APOBEC3H: variants seen among roughly 807,000 people sequenced by gnomAD.
APOBEC3H encodes the protein apolipoprotein B mRNA editing enzyme catalytic subunit 3H, also known as DNA dC->dU-editing enzyme APOBEC-3H.
In APOBEC3H, 8 loss-of-function variants were observed where a neutral mutation model predicts 21.2. That is an observed-to-expected ratio of 0.38 (90% CI 0.22 to 0.68). APOBEC3H has a LOEUF of 0.68. Among genes scored for constraint, APOBEC3H ranks in the 30% least tolerant of loss-of-function variants. The pLI is 0.52. For synonymous variants in APOBEC3H, 88 were observed against 91.0 expected, an observed-to-expected ratio of 0.97 and a Z score of 0.19; for missense variants, 229 against 228.1, an observed-to-expected ratio of 1.00 and a Z score of -0.03.
intron 1 of APOBEC3H, among the ~76,000 whole-genome samples, chr22:39,097,814 C>G (rs1909048127): frequency 6.6e-6 from 1 of 152,156 alleles, no homozygotes; most frequent in South Asian, 2.1e-4. Context: ...AAGCACAAGG[C>G]AAATCATCTC....
Position 39,101,281 on chromosome 22 carries a change from C to T in APOBEC3H, c.195C>T (p.Ser65=). ...AEICFINEIK[S]MGLDETQCYQ... ...TTTGCTTTATTAACGAGATCAAGTC[C>T]ATGGGACTGGACGAAACGCAGTGCT... Residue 65 remains serine, a synonymous_variant, in exon 3 of 5, where the codon TCC becomes TCT. Coordinates refer to ENST00000442487, the MANE Select transcript of APOBEC3H (RefSeq NM_181773.5). 6.2e-7 allele frequency: 1 copy of T among 1,613,714 alleles called. No individual in the cohort carries two copies. The highest frequency in any genetic ancestry group is 1.3e-5 in the African/African-American group (1 of 74,904).
rs530087638 is a variant in APOBEC3H, at chr22:39,098,269, G to A, written c.-8+926G>A. On this transcript the variant is annotated intron_variant, in intron 1 of 4. Transcript: ENST00000442487. ...TTTCGTTTTGTTTTTTTGAGAAGGG[G>A]TGTCTCAGTCTGTTGCCCAGGCTGG... Among the ~76,000 whole-genome samples, 3 of 152,296 alleles carry A rather than the reference G, an allele frequency of 2.0e-5. No individual in the cohort carries two copies. The South Asian group carries it at 6.2e-4, about 32-fold the overall frequency.
rs578208861 is a variant in APOBEC3H, at chr22:39,101,952, C to T, written c.453C>T (p.His151=). 103 of 1,613,672 alleles carry T rather than the reference C, an allele frequency of 6.4e-5. No individual in the cohort carries two copies. The East Asian group carries it at 1.6e-3, about 25-fold the overall frequency. ...FADCWENFVD[H]EKPLSFNPYK... is the part of the protein sequence containing the mutation. ...ACTGCTGGGAAAACTTTGTGGACCACGAGAAACCGCTTTCCTTCAACCCCT... is the reference window on the plus strand; with the variant it reads ...ACTGCTGGGAAAACTTTGTGGACCATGAGAAACCGCTTTCCTTCAACCCCT... The change falls in exon 4 of 5, where the codon CAC becomes CAT. Residue 151 remains histidine, a synonymous_variant. Coordinates refer to ENST00000442487, the MANE Select transcript of APOBEC3H (RefSeq NM_181773.5).
chr22:39,101,101 C>A (rs1221819035), intron 2 of APOBEC3H, 136 bp from the exon 3 acceptor site: 12 of 820,680 alleles, frequency 1.5e-5, no homozygotes, highest in Middle Eastern at 3.7e-4. Context: ...CTAGGCCAGG[C>A]CACGCACTAG....
chr22:39,100,602 C>A, intron 2 of APOBEC3H, 174 bp downstream of exon 2: 2 of 854,128 alleles, frequency 2.3e-6, no homozygotes, highest in Non-Finnish European at 3.5e-6. Flanking sequence ...TCTGAGTGGC[C>A]CAGTTTCCCT....
In APOBEC3H at chr22:39,101,263, T is replaced by C. The variant is rs141418864; in HGVS notation, c.177T>C (p.Phe59=). ...NKKKCHAEIC[F]INEIKSMGLD... ...AAAAGTGCCATGCAGAAATTTGCTT[T>C]ATTAACGAGATCAAGTCCATGGGAC... The change falls in exon 3 of 5, where the codon TTT becomes TTC. Residue 59 remains phenylalanine, a synonymous_variant. Transcript: ENST00000442487. 4.9e-4 allele frequency: 791 copies of C among 1,613,384 alleles called. 1 individual carries two copies. Among genetic ancestry groups the C allele is most frequent in the Non-Finnish European group, 5.9e-4 (700 of 1,179,848 alleles).
chr22:39,101,696 A>G (rs3765441), intron 3 of APOBEC3H, among the ~76,000 whole-genome samples, 192 bp downstream of exon 3: 2,970 of 8,226 alleles, frequency 0.36, 493 homozygotes, highest in Middle Eastern at 0.62. Context: ...GGAGGTTGGC[A>G]GGGGGTGGGG....
chr22:39,101,788 C>G, intron 3 of APOBEC3H, 130 bp from the exon 4 acceptor site: 1 of 1,438,102 alleles, frequency 7.0e-7, no homozygotes, highest in Non-Finnish European at 9.6e-7. Context: ...TGACACCACC[C>G]GGGAGGGAGA....
Position 39,100,437 on chromosome 22 carries a change from C to A in APOBEC3H, c.150+9C>A, listed in dbSNP as rs545736738. On this transcript the variant is annotated intron_variant, in intron 2 of 4. Coordinates refer to ENST00000442487, the MANE Select transcript of APOBEC3H (RefSeq NM_181773.5). ...GCTACTTTGAAAACAAGGTGCCACACGGGCTCTCTGGGCACAGGGCCGGCA... is the reference window on the plus strand; with the variant it reads ...GCTACTTTGAAAACAAGGTGCCACAAGGGCTCTCTGGGCACAGGGCCGGCA... 6.2e-7 allele frequency: 1 copy of A among 1,612,152 alleles called. No homozygotes were observed. Among genetic ancestry groups the A allele is most frequent in the African/African-American group, 1.3e-5 (1 of 75,022 alleles).
rs923875362 is a variant in APOBEC3H at position 39,102,487 on chromosome 22, C to T, written c.543+445C>T. 1.7e-5 allele frequency: 12 copies of T among 718,062 alleles called. No homozygotes were observed. The African/African-American group carries it at 1.9e-4, about 12-fold the overall frequency. The allele number at this position is 718,062 out of a possible 1,614,324, so 44.5% of individuals were successfully genotyped here. A position where few individuals can be genotyped will look rare whatever the true frequency, so the allele number is the denominator to read the frequency against. On this transcript the variant is annotated intron_variant, in intron 4 of 4. Transcript: ENST00000442487. Reference sequence around the variant, plus strand: ...TCTTTTTTGTGTTCTCCTCTCGCACCAGGGGCTCCTTCTTGTTCTTTTAGA... The same window carrying T: ...TCTTTTTTGTGTTCTCCTCTCGCACTAGGGGCTCCTTCTTGTTCTTTTAGA...
intron 4 of APOBEC3H, among the ~76,000 whole-genome samples, chr22:39,103,454 G>A (rs1222150095): frequency 6.6e-6 from 1 of 152,206 alleles, no homozygotes; most frequent in African/African-American, 2.4e-5. Context: ...AACAGAAATT[G>A]ACAATTGGGA....
At chr22:39,101,143 C>G (rs1173126339) in intron 2 of APOBEC3H, 94 bp from the exon 3 acceptor site, 3 of 377,706 alleles carry the variant, frequency 7.9e-6, no homozygotes, top group African/African-American at 2.1e-5. Flanking sequence ...TCTGCCCCCC[C>G]ATCCCCGCCC....
At chr22:39,101,532 A>T in intron 3 of APOBEC3H, 28 bp downstream of exon 3, 1 of 1,369,094 alleles carries the variant, frequency 7.3e-7, no homozygotes, top group Non-Finnish European at 9.8e-7. Context: ...CAGTTATAAG[A>T]GTGCAAACCC....
chr22:39,102,495 C>A, intron 4 of APOBEC3H: 1 of 718,190 alleles, frequency 1.4e-6, no homozygotes, highest in East Asian at 2.7e-5. Context: ...ACCAGGGGCT[C>A]CTTCTTGTTC....
At chr22:39,100,509 C>G in intron 2 of APOBEC3H, 81 bp downstream of exon 2, 1 of 1,523,890 alleles carries the variant, frequency 6.6e-7, no homozygotes, top group Non-Finnish European at 8.9e-7. Flanking sequence ...GAAATGCCTG[C>G]CTATAAATTT....
At chr22:39,102,848 G>A (rs183355324) in intron 4 of APOBEC3H, among the ~76,000 whole-genome samples, 1 of 151,414 alleles carries the variant, frequency 6.6e-6, no homozygotes, top group African/African-American at 2.4e-5. Context: ...TATAATCCCA[G>A]CTACTCAGGA....
intron 2 of APOBEC3H, among the ~76,000 whole-genome samples, chr22:39,100,737 C>G (rs1929264083): frequency 6.6e-6 from 1 of 152,156 alleles, no homozygotes. Context: ...TTCGGGAAAG[C>G]CGAGGTGCCG....
At chr22:39,101,135 T>C in intron 2 of APOBEC3H, 102 bp from the exon 3 acceptor site, 2 of 406,206 alleles carry the variant, frequency 4.9e-6, no homozygotes, top group South Asian at 2.1e-5. Context: ...CAGACCCCTC[T>C]GCCCCCCCAT....
chr22:39,100,466 G>A lies in APOBEC3H; in HGVS notation c.150+38G>A, dbSNP rs369700866. 22 of 1,604,630 alleles carry A rather than the reference G, an allele frequency of 1.4e-5. No homozygotes were observed. The African/African-American group carries it at 2.7e-4, about 20-fold the overall frequency. On this transcript the variant is annotated intron_variant, in intron 2 of 4. Transcript: ENST00000442487. ...CTCTCTGGGCACAGGGCCGGCAGGG[G>A]CTAACCCCATCTGATGTGTGCAGAA... is the stretch of plus-strand genomic sequence containing the variant.
Sources: gnomAD v4.1 joint callset for allele counts (sites outside exome capture counted in the v4.1 genomes callset) on GRCh38, gnomAD v4.1.1 for gene constraint, MANE v1.5 for transcripts, NCBI Gene and HGNC (gene_info 2026-07-23, HGNC 2026-07-21) for gene names.